NAV2: variants seen among roughly 807,000 people sequenced by gnomAD.
NAV2 encodes the protein helicase, APC down-regulated 1.
A neutral mutation model predicts 223.2 loss-of-function variants in NAV2; 54 were observed. That is an observed-to-expected ratio of 0.24 (90% CI 0.19 to 0.30). NAV2 has a LOEUF of 0.30. Among genes scored for constraint, NAV2 ranks in the 10% least tolerant of loss-of-function variants. NAV2 has a pLI of 1.00. For missense variants in NAV2, 2,806 were observed against 3,147.5 expected (o/e 0.89, Z 2.60); for synonymous variants, 1,279 against 1,239.3 (o/e 1.03, Z -0.67).
chr11:19,359,960 A>G lies in NAV2; in HGVS notation c.75+8933A>G, dbSNP rs72902161. ...CTGATCCTCATTGCCCCCACCCACCATCACTACTCGTCTCTTTTAATATCA... is the reference window on the plus strand; with the variant it reads ...CTGATCCTCATTGCCCCCACCCACCGTCACTACTCGTCTCTTTTAATATCA... On this transcript the variant is annotated intron_variant, in intron 1 of 37. Coordinates refer to the NAV2 transcript ENST00000360655. Among the ~76,000 whole-genome samples the G allele has an allele frequency of 4.2e-3, 645 of 152,026 alleles. 2 individuals carry two copies. Among genetic ancestry groups the G allele is most frequent in the Non-Finnish European group, 7.1e-3 (485 of 67,968 alleles).
chr11:19,584,307 T>C (rs537303111), intron 1 of NAV2, among the ~76,000 whole-genome samples: 3 of 152,330 alleles, frequency 2.0e-5, no homozygotes, highest in Non-Finnish European at 4.4e-5. Flanking sequence ...CTATCGATTT[T>C]ATTGATCTTT....
At chr11:20,108,418 G>T (rs78464436) in intron 36 of NAV2, among the ~76,000 whole-genome samples, 1 of 152,000 alleles carries the variant, frequency 6.6e-6, no homozygotes, top group Non-Finnish European at 1.5e-5. Flanking sequence ...AGTTCCTCCT[G>T]CCTGACAGCA....
At chr11:19,380,750 A>G (rs1198247213) in intron 1 of NAV2, among the ~76,000 whole-genome samples, 1 of 152,170 alleles carries the variant, frequency 6.6e-6, no homozygotes, top group Admixed American at 6.5e-5. Flanking sequence ...TCTTCCACTA[A>G]CTCCTTGCCA....
chr11:19,633,817 G>A (rs1451127153), intron 1 of NAV2, among the ~76,000 whole-genome samples: 2 of 152,210 alleles, frequency 1.3e-5, no homozygotes, highest in African/African-American at 4.8e-5. Context: ...TGTTCAGAAG[G>A]TAGGCCTAGT....
At chr11:19,921,331 A>C (rs572777806) in intron 6 of NAV2, among the ~76,000 whole-genome samples, 17 of 152,330 alleles carry the variant, frequency 1.1e-4, no homozygotes, top group African/African-American at 3.6e-4. Flanking sequence ...AGAGAAATAT[A>C]ATAAGCTCGT....
chr11:19,769,475 C>G (rs925319988), intron 1 of NAV2, among the ~76,000 whole-genome samples: 4 of 152,196 alleles, frequency 2.6e-5, no homozygotes, highest in African/African-American at 9.7e-5. Flanking sequence ...CAGATACACT[C>G]TGTTTCTGCT....
chr11:20,075,216 T>C (rs1444155312), intron 22 of NAV2, among the ~76,000 whole-genome samples: 2 of 103,844 alleles, frequency 1.9e-5, no homozygotes, highest in African/African-American at 5.4e-5. Context: ...TTTGTTTTTT[T>C]GTTTTGTTTT....
intron 1 of NAV2, among the ~76,000 whole-genome samples, chr11:19,721,156 G>GA (rs1197781556): frequency 6.6e-6 from 1 of 152,130 alleles, no homozygotes; most frequent in Non-Finnish European, 1.5e-5. Context: ...AAAGCACTTT[G>GA]AAAAAATATC....
intron 1 of NAV2, among the ~76,000 whole-genome samples, chr11:19,485,676 G>A (rs2042419591): frequency 6.6e-6 from 1 of 152,036 alleles, no homozygotes; most frequent in Admixed American, 6.6e-5. Context: ...AAAGATTCTT[G>A]AAAGGACAGT....
At chr11:20,051,791 T>TA (rs1312404118) in intron 17 of NAV2, among the ~76,000 whole-genome samples, 4 of 152,200 alleles carry the variant, frequency 2.6e-5, no homozygotes, top group Non-Finnish European at 4.4e-5. Flanking sequence ...TTTCTGCCCA[T>TA]AAAAAATTGC....
chr11:19,465,581 G>A (rs776667651), intron 1 of NAV2, among the ~76,000 whole-genome samples: 4 of 152,154 alleles, frequency 2.6e-5, no homozygotes, highest in Non-Finnish European at 4.4e-5. Context: ...ACAGGAACTC[G>A]AGAGAAAGTC....
At chr11:19,478,745 T>G (rs2042195314) in intron 1 of NAV2, among the ~76,000 whole-genome samples, 1 of 152,214 alleles carries the variant, frequency 6.6e-6, no homozygotes, top group Non-Finnish European at 1.5e-5. Context: ...CAGCCCCATC[T>G]CCACTTTCTC....
At chr11:19,352,876 C>T (rs1853404374) in intron 1 of NAV2, among the ~76,000 whole-genome samples, 1 of 152,124 alleles carries the variant, frequency 6.6e-6, no homozygotes, top group South Asian at 2.1e-4. Context: ...ACTGCAGTAG[C>T]TTCTGTTGGC....
intron 1 of NAV2, among the ~76,000 whole-genome samples, chr11:19,676,394 G>C (rs556964787): frequency 1.3e-5 from 2 of 152,150 alleles, no homozygotes; most frequent in South Asian, 2.1e-4. Context: ...ACCAATCCTA[G>C]TGATTCACTT....
At chr11:19,996,801 G>C (rs576167685) in intron 11 of NAV2, among the ~76,000 whole-genome samples, 2 of 152,102 alleles carry the variant, frequency 1.3e-5, no homozygotes, top group African/African-American at 4.8e-5. Context: ...AATCTGTGGC[G>C]CTCAGTACTG....
intron 1 of NAV2, among the ~76,000 whole-genome samples, chr11:19,626,463 A>G (rs1289020239): frequency 6.6e-6 from 1 of 152,174 alleles, no homozygotes; most frequent in Non-Finnish European, 1.5e-5. Context: ...TGATAGTATG[A>G]TGTCTCCAGC....
At chr11:19,839,827 A>G (rs1232933306) in intron 2 of NAV2, among the ~76,000 whole-genome samples, 1 of 152,264 alleles carries the variant, frequency 6.6e-6, no homozygotes, top group Non-Finnish European at 1.5e-5. Context: ...GGGGCTAAGA[A>G]AGTCTTGAAT....
chr11:19,687,331 G>C (rs1005784112), intron 1 of NAV2, among the ~76,000 whole-genome samples: 7 of 152,184 alleles, frequency 4.6e-5, no homozygotes, highest in African/African-American at 1.7e-4. Context: ...CCAGGTTACA[G>C]CCTTCCCTCT....
intron 1 of NAV2, among the ~76,000 whole-genome samples, chr11:19,667,395 A>G (rs768732957): frequency 3.3e-5 from 5 of 152,224 alleles, no homozygotes; most frequent in Admixed American, 6.5e-5. Flanking sequence ...CTATGGGCAC[A>G]GGTGGAAGGT....
Sources: gnomAD v4.1 joint callset for allele counts (sites outside exome capture counted in the v4.1 genomes callset) on GRCh38, gnomAD v4.1.1 for gene constraint, MANE v1.5 for transcripts, NCBI Gene and HGNC (gene_info 2026-07-23, HGNC 2026-07-21) for gene names.